DGKI: variants seen among roughly 807,000 people sequenced by gnomAD.
The protein encoded by DGKI is DAG kinase iota.
Under a neutral mutation model 147.5 loss-of-function variants are expected in DGKI, and 55 were observed. The observed-to-expected ratio is 0.37, with a 90% CI of 0.30 to 0.47. DGKI has a LOEUF of 0.47. Among genes scored for constraint, DGKI ranks in the 20% least tolerant of loss-of-function variants. DGKI has a pLI of 1.00. For missense variants in DGKI, 1,007 were observed against 1,323.8 expected, an observed-to-expected ratio of 0.76 and a Z score of 3.71; for synonymous variants, 469 against 477.1, an observed-to-expected ratio of 0.98 and a Z score of 0.22.
intron 4 of DGKI, among the ~76,000 whole-genome samples, chr7:137,655,931 G>T (rs1333776834): frequency 6.6e-6 from 1 of 152,162 alleles, no homozygotes; most frequent in Non-Finnish European, 1.5e-5. Flanking sequence ...ACTGATTCTG[G>T]AGGCACACCA....
intron 23 of DGKI, among the ~76,000 whole-genome samples, chr7:137,474,115 C>G (rs919528516): frequency 6.6e-6 from 1 of 151,614 alleles, no homozygotes; most frequent in African/African-American, 2.4e-5. Flanking sequence ...ATAGGTCCTA[C>G]GTTAAAAGTC....
chr7:137,472,333 A>AT (rs1814979018), intron 23 of DGKI, among the ~76,000 whole-genome samples: 1 of 119,374 alleles, frequency 8.4e-6, no homozygotes, highest in Non-Finnish European at 1.6e-5. Context: ...TTATATGTAT[A>AT]TATACATATA....
At chr7:137,490,014 G>A (rs1815706077) in intron 21 of DGKI, among the ~76,000 whole-genome samples, 1 of 152,066 alleles carries the variant, frequency 6.6e-6, no homozygotes, top group South Asian at 2.1e-4. Context: ...CTCTAATATG[G>A]GTATAAAATC....
chr7:137,564,306 A>G (rs1818511505), intron 19 of DGKI, among the ~76,000 whole-genome samples: 1 of 152,184 alleles, frequency 6.6e-6, no homozygotes, highest in South Asian at 2.1e-4. Context: ...TGGCCTCCCA[A>G]TCTTTCTGGG....
chr7:137,726,934 T>C (rs565786334), intron 1 of DGKI, among the ~76,000 whole-genome samples: 2 of 152,186 alleles, frequency 1.3e-5, no homozygotes, highest in Non-Finnish European at 2.9e-5. Flanking sequence ...TACTATGTTA[T>C]TGCAGGTCTA....
At position 137,383,375 on chromosome 7, in the gene DGKI, C is replaced by T. The variant is rs535563972; in HGVS notation, c.*7845G>A. The T allele has an allele frequency of 1.8e-4, 28 of 151,510 alleles. No homozygotes were observed. Among genetic ancestry groups the T allele is most frequent in the African/African-American group, 6.8e-4 (28 of 41,344 alleles). 9.4% of individuals were successfully genotyped at this position (151,510 alleles called of 1,614,324 possible). On this transcript the variant is annotated 3_prime_UTR_variant, in exon 33 of 33. Transcript: ENST00000614521. Reference sequence around the variant, plus strand: ...CAACTTTTTAGGGTCATGAAATCCCCGCTGCTAAGTGATTTGGGATATATT... The same window carrying T: ...CAACTTTTTAGGGTCATGAAATCCCTGCTGCTAAGTGATTTGGGATATATT...
chr7:137,557,749 C>A (rs1525043), intron 19 of DGKI, among the ~76,000 whole-genome samples: 1 of 151,972 alleles, frequency 6.6e-6, no homozygotes, highest in Non-Finnish European at 1.5e-5. Context: ...AGACAGGCAG[C>A]CCTCACTGAG....
chr7:137,576,172 G>C (rs1339671769), intron 17 of DGKI, among the ~76,000 whole-genome samples: 3 of 151,316 alleles, frequency 2.0e-5, no homozygotes, highest in Non-Finnish European at 4.4e-5. Context: ...CGAGTAGCTG[G>C]GACTACAGGC....
intron 19 of DGKI, among the ~76,000 whole-genome samples, chr7:137,556,678 G>A (rs1818235030): frequency 6.6e-6 from 1 of 152,148 alleles, no homozygotes; most frequent in Admixed American, 6.5e-5. Context: ...GAAGACTTAA[G>A]TAAATGGAGA....
chr7:137,658,314 T>C (rs1822296771), intron 3 of DGKI, among the ~76,000 whole-genome samples: 1 of 152,192 alleles, frequency 6.6e-6, no homozygotes, highest in Non-Finnish European at 1.5e-5. Flanking sequence ...ATGGTTTCCC[T>C]TCTGTTTCCT....
At position 137,658,852 on chromosome 7, in the gene DGKI, T is replaced by C. The variant is rs183363963; in HGVS notation, c.607-2312A>G. 1.3e-4 allele frequency among the ~76,000 whole-genome samples: 20 copies of C among 152,340 alleles called. No individual in the cohort carries two copies. The East Asian group carries it at 3.5e-3, about 26-fold the overall frequency. ...TATCTCTCAGCCTTCTGGAACGTCA[T>C]GTAAATGCACTAACATCATTCATAT... is the stretch of plus-strand genomic sequence containing the variant. On this transcript the variant is annotated intron_variant, in intron 3 of 32. Transcript: ENST00000614521.
At chr7:137,652,698 T>TC (rs909359652) in intron 5 of DGKI, among the ~76,000 whole-genome samples, 5 of 151,680 alleles carry the variant, frequency 3.3e-5, no homozygotes, top group African/African-American at 1.2e-4. Context: ...ACAACTATGT[T>TC]TTCTCTTTCT....
chr7:137,495,105 A>T (rs1361624256), intron 21 of DGKI, among the ~76,000 whole-genome samples: 2 of 152,220 alleles, frequency 1.3e-5, no homozygotes, highest in East Asian at 3.9e-4. Context: ...AAACACAATC[A>T]GAAGTGACAC....
chr7:137,425,539 G>C (rs2128908405), intron 28 of DGKI, among the ~76,000 whole-genome samples: 1 of 152,342 alleles, frequency 6.6e-6, no homozygotes, highest in Non-Finnish European at 1.5e-5. Flanking sequence ...ACAGAACAAA[G>C]ATGGACGGAG....
At chr7:137,845,641 A>T (rs1323754772) in intron 1 of DGKI, among the ~76,000 whole-genome samples, 1 of 152,058 alleles carries the variant, frequency 6.6e-6, no homozygotes, top group African/African-American at 2.4e-5. Flanking sequence ...AATAAATCCT[A>T]ATTCCTCGTT....
chr7:137,430,684 A>C (rs1016218415), intron 28 of DGKI, among the ~76,000 whole-genome samples: 4 of 152,140 alleles, frequency 2.6e-5, no homozygotes, highest in Non-Finnish European at 5.9e-5. Context: ...ATGATTTCCT[A>C]GAGAAGGTAA....
In DGKI at chr7:137,818,653, G is replaced by A. The variant is rs117584044; in HGVS notation, c.401+27809C>T. 3.2e-3 allele frequency among the ~76,000 whole-genome samples: 482 copies of A among 152,128 alleles called. 2 individuals are homozygous for A. Among genetic ancestry groups the A allele is most frequent in the Non-Finnish European group, 4.4e-3 (300 of 67,986 alleles). The stretch of plus-strand genomic sequence containing the variant: ...TGACGGGGTTTCACCATGTTGGTCA[G>A]CTGGTCTTGAACTCCAGACCTCAGG... On this transcript the variant is annotated intron_variant, in intron 1 of 32. Coordinates refer to ENST00000614521, the MANE Select transcript of DGKI (RefSeq NM_001321708.2).
chr7:137,570,152 G>C (rs1818744277), intron 19 of DGKI, among the ~76,000 whole-genome samples: 1 of 152,140 alleles, frequency 6.6e-6, no homozygotes, highest in African/African-American at 2.4e-5. Flanking sequence ...CACAAATCAT[G>C]TGCCAACCAA....
At chr7:137,654,664 A>G in intron 5 of DGKI, 68 bp downstream of exon 5, 1 of 1,134,358 alleles carries the variant, frequency 8.8e-7, no homozygotes, top group Non-Finnish European at 1.3e-6. Context: ...CCTGGTGAAT[A>G]TCTATGAATC....
Sources: allele counts gnomAD v4.1 joint callset (sites outside exome capture counted in the v4.1 genomes callset), GRCh38; gene constraint gnomAD v4.1.1; transcripts MANE v1.5; gene names NCBI Gene and HGNC (gene_info 2026-07-23, HGNC 2026-07-21).